The following SUCLG2 variants were observed in gnomAD, a reference collection of about 807,000 sequenced individuals.
SUCLG2 encodes the protein succinate--CoA ligase [GDP-forming] subunit beta, mitochondrial.
A neutral mutation model predicts 47.9 loss-of-function variants in SUCLG2; 42 were observed. The observed-to-expected ratio is 0.88, with a 90% confidence interval of 0.69 to 1.14. The LOEUF (loss-of-function observed/expected upper bound fraction) is 1.14. SUCLG2 is among the 50% of genes most tolerant of loss of function. The pLI, the probability that SUCLG2 is intolerant of heterozygous loss-of-function variation, is 0.00. For missense variants in SUCLG2, 571 were observed against 525.9 expected (o/e 1.09, Z -0.84); for synonymous variants, 195 against 197.3 (o/e 0.99, Z 0.10).
At chr3:67,423,877 G>A (rs1703234694) in intron 9 of SUCLG2, among the ~76,000 whole-genome samples, 1 of 152,160 alleles carries the variant, frequency 6.6e-6, no homozygotes, top group South Asian at 2.1e-4. Context: ...AAGAAATACT[G>A]CATTTCTGTT....
At position 67,628,685 on chromosome 3, in the gene SUCLG2, C is replaced by T. The variant is rs528709490; in HGVS notation, c.85-19089G>A. On this transcript the variant is annotated intron_variant, in intron 1 of 10. Coordinates refer to ENST00000307227, the MANE Select transcript of SUCLG2 (RefSeq NM_003848.4). ...TCTGATGGTTTTATAAAGGAGAGTT[C>T]CCTGCACATGCTGTCTTGCCTGCCA... is the stretch of plus-strand genomic sequence containing the variant. 5.1e-4 allele frequency among the ~76,000 whole-genome samples: 77 copies of T among 152,246 alleles called. No individual in the cohort carries two copies. In the South Asian group the frequency reaches 0.011, roughly 21 times the overall value.
intron 2 of SUCLG2, among the ~76,000 whole-genome samples, chr3:67,563,973 A>G (rs1007461351): frequency 2.8e-4 from 29 of 104,092 alleles, no homozygotes; most frequent in African/African-American, 7.0e-4. Context: ...AAAAAAAAAA[A>G]AAAAAGAAAA....
At chr3:67,381,698 G>C (rs928361738) in intron 10 of SUCLG2, among the ~76,000 whole-genome samples, 1 of 152,188 alleles carries the variant, frequency 6.6e-6, no homozygotes, top group African/African-American at 2.4e-5. Context: ...GAGCCACTCA[G>C]CTAAATGGTT....
intron 6 of SUCLG2, among the ~76,000 whole-genome samples, chr3:67,510,060 C>G (rs770371046): frequency 6.6e-6 from 1 of 152,194 alleles, no homozygotes; most frequent in Non-Finnish European, 1.5e-5. Flanking sequence ...AGAAGCCCAC[C>G]AGGGCTCTAG....
intron 2 of SUCLG2, among the ~76,000 whole-genome samples, chr3:67,561,801 T>A (rs1048285237): frequency 6.6e-6 from 1 of 152,218 alleles, no homozygotes; most frequent in Non-Finnish European, 1.5e-5. Flanking sequence ...ATCCTAGGAT[T>A]CTTTATTCCT....
intron 2 of SUCLG2, among the ~76,000 whole-genome samples, chr3:67,552,331 C>T (rs528205140): frequency 6.6e-6 from 1 of 152,200 alleles, no homozygotes; most frequent in Non-Finnish European, 1.5e-5. Context: ...CTTTTACTGT[C>T]TATTTAACCA....
At chr3:67,537,318 T>C (rs1706571954) in intron 2 of SUCLG2, among the ~76,000 whole-genome samples, 1 of 152,144 alleles carries the variant, frequency 6.6e-6, no homozygotes, top group Admixed American at 6.5e-5. Context: ...GTACATGCAC[T>C]GTGTGGTTTA....
rs777975705 is a variant in SUCLG2, at chr3:67,528,178, T to C, written c.371A>G (p.Asn124Ser). Reference protein sequence around the residue: ...GQLAKQMIGYNLATKQTPKEG... With the variant: ...GQLAKQMIGYSLATKQTPKEG... ...TTTTGGAGTTTGTTTTGTCGCTAGATTGTACCCAATCATCTGTTTAGCCAG... is the reference window on the plus strand; with the variant it reads ...TTTTGGAGTTTGTTTTGTCGCTAGACTGTACCCAATCATCTGTTTAGCCAG... Residue 124 changes from asparagine (N) to serine (S), a missense_variant, in exon 4 of 11, where the codon AAT becomes AGT. Asn to Ser is a conservative substitution (Grantham distance 46, BLOSUM62 1). Coordinates refer to ENST00000307227, the MANE Select transcript of SUCLG2 (RefSeq NM_003848.4). 28 of 1,613,968 alleles carry C rather than the reference T, an allele frequency of 1.7e-5. No homozygotes were observed. Among genetic ancestry groups the C allele is most frequent in the Non-Finnish European group, 2.3e-5 (27 of 1,179,892 alleles).
intron 2 of SUCLG2, among the ~76,000 whole-genome samples, chr3:67,537,136 T>C (rs1415595397): frequency 6.6e-6 from 1 of 152,188 alleles, no homozygotes; most frequent in Non-Finnish European, 1.5e-5. Flanking sequence ...GGTGGTTTGC[T>C]GCACCCATCA....
At chr3:67,403,694 GA>G (rs1323476577) in intron 9 of SUCLG2, among the ~76,000 whole-genome samples, 1 of 151,776 alleles carries the variant, frequency 6.6e-6, no homozygotes, top group Non-Finnish European at 1.5e-5. Context: ...TAGTAGACAG[GA>G]AGAAAAAAAG....
At chr3:67,599,462 C>T (rs981339386) in intron 2 of SUCLG2, among the ~76,000 whole-genome samples, 3 of 152,136 alleles carry the variant, frequency 2.0e-5, no homozygotes, top group Non-Finnish European at 4.4e-5. Flanking sequence ...AAATTCTGAG[C>T]AAGAGTGTCT....
At chr3:67,363,398 G>T (rs1575650022) in intron 10 of SUCLG2, among the ~76,000 whole-genome samples, 1 of 152,192 alleles carries the variant, frequency 6.6e-6, no homozygotes, top group African/African-American at 2.4e-5. Context: ...GAGCATGTTT[G>T]ATGTCTGACT....
At chr3:67,452,827 G>C (rs560576349) in intron 9 of SUCLG2, among the ~76,000 whole-genome samples, 12 of 152,156 alleles carry the variant, frequency 7.9e-5, no homozygotes, top group Non-Finnish European at 1.8e-4. Context: ...TCAATTAGTA[G>C]CTTTGTTTAC....
At position 67,508,793 on chromosome 3, in the gene SUCLG2, T is replaced by C. The variant is rs1705709428; in HGVS notation, c.757+14A>G. 3 of 397,162 alleles carry C rather than the reference T, an allele frequency of 7.6e-6. No individual in the cohort carries two copies. The Admixed American group carries it at 1.5e-4, about 20-fold the overall frequency. 24.6% of individuals were successfully genotyped at this position (397,162 alleles called of 1,614,324 possible). ...ATACATTCATTTGTTTTCTCAATTC[T>C]TTTTTTTTTTTACCTTGTCCTTCTG... is the stretch of plus-strand genomic sequence containing the variant. On this transcript the variant is annotated intron_variant, in intron 7 of 10. Coordinates refer to ENST00000307227, the MANE Select transcript of SUCLG2 (RefSeq NM_003848.4).
intron 9 of SUCLG2, among the ~76,000 whole-genome samples, chr3:67,406,338 T>A (rs1412037203): frequency 1.3e-5 from 2 of 152,154 alleles, no homozygotes; most frequent in Non-Finnish European, 2.9e-5. Flanking sequence ...GCAAGAAAGA[T>A]TTTAAAATTA....
chr3:67,482,134 C>T (rs963355824), intron 9 of SUCLG2, among the ~76,000 whole-genome samples: 1 of 152,024 alleles, frequency 6.6e-6, no homozygotes, highest in Non-Finnish European at 1.5e-5. Context: ...GAGCCAAGAT[C>T]ATGCCACTGC....
chr3:67,630,390 T>C (rs1159480909), intron 1 of SUCLG2, among the ~76,000 whole-genome samples: 4 of 152,206 alleles, frequency 2.6e-5, no homozygotes, highest in Non-Finnish European at 5.9e-5. Context: ...TAGAATGCAA[T>C]GAATTTCCTT....
At chr3:67,551,713 T>C (rs1416896977) in intron 2 of SUCLG2, among the ~76,000 whole-genome samples, 1 of 152,174 alleles carries the variant, frequency 6.6e-6, no homozygotes, top group Admixed American at 6.5e-5. Flanking sequence ...GATGTTGCCA[T>C]TATTGTTACT....
At chr3:67,403,249 C>T (rs1702727115) in intron 9 of SUCLG2, among the ~76,000 whole-genome samples, 1 of 152,182 alleles carries the variant, frequency 6.6e-6, no homozygotes, top group African/African-American at 2.4e-5. Context: ...CTGTTGTTCT[C>T]CAATGTACTT....
Sources: allele counts gnomAD v4.1 joint callset (sites outside exome capture counted in the v4.1 genomes callset), GRCh38; gene constraint gnomAD v4.1.1; transcripts MANE v1.5; gene names NCBI Gene and HGNC (gene_info 2026-07-23, HGNC 2026-07-21).